WDR70: variants seen among roughly 807,000 people sequenced by gnomAD.
WDR70 encodes the protein WD repeat-containing protein 70.
A neutral mutation model predicts 88.6 loss-of-function variants in WDR70; 53 were observed. The observed-to-expected ratio is 0.60, with a 90% CI of 0.48 to 0.75. WDR70 has a LOEUF of 0.75. WDR70 is among the 30% of genes least tolerant of loss of function. The pLI, the probability that WDR70 is intolerant of heterozygous loss-of-function variation, is 0.00. For missense variants in WDR70, 610 were observed against 823.2 expected, an observed-to-expected ratio of 0.74 and a Z score of 3.17; for synonymous variants, 280 against 270.0, an observed-to-expected ratio of 1.04 and a Z score of -0.36.
chr5:37,661,032 T>C (rs1745687458), intron 10 of WDR70, among the ~76,000 whole-genome samples: 1 of 152,260 alleles, frequency 6.6e-6, no homozygotes, highest in Non-Finnish European at 1.5e-5. Context: ...CACCATTTTA[T>C]ATATGGGACT....
intron 13 of WDR70, among the ~76,000 whole-genome samples, chr5:37,707,602 A>T (rs2112669459): frequency 6.6e-6 from 1 of 152,212 alleles, no homozygotes; most frequent in Non-Finnish European, 1.5e-5. Flanking sequence ...TTCAACTAGT[A>T]TGCCTTGGAC....
intron 17 of WDR70, among the ~76,000 whole-genome samples, chr5:37,749,252 A>T (rs981241179): frequency 1.1e-4 from 17 of 152,088 alleles, no homozygotes; most frequent in African/African-American, 3.6e-4. Flanking sequence ...ATAGTATTCC[A>T]TGTGGAATAC....
intron 7 of WDR70, among the ~76,000 whole-genome samples, chr5:37,450,197 G>T (rs1738631545): frequency 6.6e-6 from 1 of 152,090 alleles, no homozygotes; most frequent in African/African-American, 2.4e-5. Context: ...GAACAGTGCT[G>T]CAATAAACAT....
intron 8 of WDR70, among the ~76,000 whole-genome samples, chr5:37,484,186 T>A (rs1343286716): frequency 2.0e-5 from 3 of 152,180 alleles, no homozygotes; most frequent in African/African-American, 7.2e-5. Context: ...CTCGGCACTT[T>A]GGGAGGCCAA....
At chr5:37,502,410 T>C (rs1233302435) in intron 8 of WDR70, among the ~76,000 whole-genome samples, 1 of 152,202 alleles carries the variant, frequency 6.6e-6, no homozygotes, top group African/African-American at 2.4e-5. Flanking sequence ...AGTATGATGT[T>C]GGCTGTGGAT....
At chr5:37,582,587 G>GATTATATATTATAGAATC in intron 9 of WDR70, among the ~76,000 whole-genome samples, 1 of 152,322 alleles carries the variant, frequency 6.6e-6, no homozygotes, top group South Asian at 2.1e-4. Flanking sequence ...GTCACCATGG[G>GATTATATATTATAGAATC]CAGATTATAT....
chr5:37,737,955 T>TA (rs756439801), intron 17 of WDR70, among the ~76,000 whole-genome samples: 176 of 151,988 alleles, frequency 1.2e-3, no homozygotes, highest in Non-Finnish European at 1.8e-3. Context: ...TCTAAAATAT[T>TA]ATATGTTCAT....
intron 8 of WDR70, among the ~76,000 whole-genome samples, chr5:37,482,048 T>C (rs958116756): frequency 3.5e-4 from 53 of 152,308 alleles, no homozygotes; most frequent in Non-Finnish European, 1.9e-4. Flanking sequence ...CTCATCTCCA[T>C]CTGAGACCAC....
chr5:37,740,171 T>C (rs1305277317), intron 17 of WDR70, among the ~76,000 whole-genome samples: 1 of 152,250 alleles, frequency 6.6e-6, no homozygotes, highest in Non-Finnish European at 1.5e-5. Context: ...CTCCTGGTTC[T>C]AGTCCTAACA....
At chr5:37,699,258 C>T (rs1351495708) in intron 11 of WDR70, among the ~76,000 whole-genome samples, 5 of 151,536 alleles carry the variant, frequency 3.3e-5, no homozygotes, top group Non-Finnish European at 1.5e-5. Flanking sequence ...ATATTTGCTC[C>T]CTTAGAAGTA....
At chr5:37,738,278 C>T (rs1339122565) in intron 17 of WDR70, among the ~76,000 whole-genome samples, 1 of 152,018 alleles carries the variant, frequency 6.6e-6, no homozygotes, top group Non-Finnish European at 1.5e-5. Context: ...AACAATGGGC[C>T]CTGAGCCAAA....
At position 37,498,737 on chromosome 5, in the gene WDR70, C is replaced by A. The variant is rs760362302; in HGVS notation, c.841-17777C>A. On this transcript the variant is annotated intron_variant, in intron 8 of 17. Coordinates refer to ENST00000265107, the MANE Select transcript of WDR70 (RefSeq NM_018034.4). ...CTTGACTTCTCCCTTTTCCCTCACA[C>A]CCCACATCTGTACCATTGGCAAAAT... Among the ~76,000 whole-genome samples, 186 of 152,234 alleles carry A rather than the reference C, an allele frequency of 1.2e-3. 1 individual carries two copies. The highest frequency in any genetic ancestry group is 2.4e-3 in the Non-Finnish European group (161 of 68,046).
At chr5:37,495,845 G>A (rs924450087) in intron 8 of WDR70, among the ~76,000 whole-genome samples, 3 of 152,160 alleles carry the variant, frequency 2.0e-5, no homozygotes, top group African/African-American at 7.2e-5. Context: ...TTTGGTCACT[G>A]TTTTAACACA....
intron 7 of WDR70, among the ~76,000 whole-genome samples, chr5:37,447,579 C>T (rs922552102): frequency 1.3e-5 from 2 of 152,144 alleles, no homozygotes; most frequent in African/African-American, 4.8e-5. Context: ...AAATGTTGCA[C>T]ATATACACCA....
chr5:37,694,882 C>T (rs1746936895), intron 10 of WDR70, among the ~76,000 whole-genome samples: 1 of 151,518 alleles, frequency 6.6e-6, no homozygotes, highest in Admixed American at 6.6e-5. Flanking sequence ...TTTAGTCATG[C>T]TACTCCTCTG....
intron 8 of WDR70, among the ~76,000 whole-genome samples, chr5:37,489,389 G>T (rs1252519242): frequency 6.6e-6 from 1 of 152,108 alleles, no homozygotes; most frequent in African/African-American, 2.4e-5. Context: ...GCAACACCTG[G>T]GCTTCCAGGT....
intron 9 of WDR70, among the ~76,000 whole-genome samples, chr5:37,564,030 T>A (rs1742650349): frequency 1.4e-5 from 2 of 148,036 alleles, no homozygotes; most frequent in African/African-American, 5.0e-5. Context: ...GAGACGCTCC[T>A]CACTTTCCAG....
chr5:37,516,413 A>G, intron 8 of WDR70, 101 bp from the exon 9 acceptor site: 1 of 606,894 alleles, frequency 1.6e-6, no homozygotes, highest in Non-Finnish European at 2.9e-6. Flanking sequence ...TTTTGGGGGA[A>G]CTAAACATTT....
chr5:37,531,947 G>A (rs573927377), intron 9 of WDR70, among the ~76,000 whole-genome samples: 5 of 151,972 alleles, frequency 3.3e-5, no homozygotes, highest in Middle Eastern at 6.8e-3. Context: ...TTGTAGTGTT[G>A]GCCTGGTAGT....
Sources: allele counts gnomAD v4.1 joint callset (sites outside exome capture counted in the v4.1 genomes callset), GRCh38; gene constraint gnomAD v4.1.1; transcripts MANE v1.5; gene names NCBI Gene and HGNC (gene_info 2026-07-23, HGNC 2026-07-21).